TMEM161B: variants seen among roughly 807,000 people sequenced by gnomAD.
TMEM161B encodes the protein transmembrane protein 161B.
TMEM161B carries 34 observed loss-of-function variants against 61.8 expected under a neutral mutation model. That is an observed-to-expected ratio of 0.55 (90% CI 0.42 to 0.73). The LOEUF (loss-of-function observed/expected upper bound fraction) is 0.73, where lower values mean the gene tolerates loss of function less well. Among genes scored for constraint, TMEM161B ranks in the 30% least tolerant of loss-of-function variants. The pLI is 0.00. For missense variants in TMEM161B, 456 were observed against 558.5 expected (o/e 0.82, Z 1.85); for synonymous variants, 167 against 192.8 (o/e 0.87, Z 1.11).
At chr5:88,229,371 G>C (rs1342855998) in intron 2 of TMEM161B, among the ~76,000 whole-genome samples, 1 of 151,888 alleles carries the variant, frequency 6.6e-6, no homozygotes, top group African/African-American at 2.4e-5. Flanking sequence ...TCAGACCTTA[G>C]TTCAGTGTAT....
chr5:88,199,701 G>C (rs762487658), intron 9 of TMEM161B: 2 of 152,082 alleles, frequency 1.3e-5, no homozygotes, highest in Non-Finnish European at 2.9e-5. Flanking sequence ...AAGCTGGCTC[G>C]GTTCTGAGCA....
chr5:88,186,177 T>A (rs1012875986), downstream of TMEM161B, among the ~76,000 whole-genome samples: 6 of 152,210 alleles, frequency 3.9e-5, no homozygotes, highest in Non-Finnish European at 7.3e-5. Context: ...TATGTAGCCA[T>A]CCTAGGCACT....
At chr5:88,187,204 T>G (rs966550229), downstream of TMEM161B, among the ~76,000 whole-genome samples, 1 of 152,222 alleles carries the variant, frequency 6.6e-6, no homozygotes, top group African/African-American at 2.4e-5. Flanking sequence ...GCTCTCTCTT[T>G]CATTGATCCA....
chr5:88,246,472 A>G lies in TMEM161B; in HGVS notation c.4-5556T>C, dbSNP rs1753634900. On this transcript the variant is annotated intron_variant, in intron 1 of 11. Coordinates refer to ENST00000296595, the MANE Select transcript of TMEM161B (RefSeq NM_153354.5). ...GAATTATATGTATTATCAATTTAATATATTATTAATGTTGAACTTAAAATC... is the reference window on the plus strand; with the variant it reads ...GAATTATATGTATTATCAATTTAATGTATTATTAATGTTGAACTTAAAATC... Among the ~76,000 whole-genome samples the G allele has an allele frequency of 2.0e-5, 3 of 151,894 alleles. No individual in the cohort carries two copies. The South Asian group carries it at 6.2e-4, about 31-fold the overall frequency.
intron 4 of TMEM161B, among the ~76,000 whole-genome samples, chr5:88,224,959 G>GGT (rs1749719734): frequency 9.9e-6 from 1 of 101,202 alleles, no homozygotes; most frequent in African/African-American, 3.9e-5. Context: ...CACAAAATAT[G>GGT]TTTTTGTTTT....
At chr5:88,194,989 TA>T, downstream of TMEM161B, 1 of 287,678 alleles carries the variant, frequency 3.5e-6, no homozygotes, top group Non-Finnish European at 5.2e-6. Context: ...TTTTGGCCAG[TA>T]AAACAAAAAT....
At chr5:88,219,136 TACTTCTGAATATATTAAGGCAAGTATTC>T (rs1748460678) in intron 5 of TMEM161B, among the ~76,000 whole-genome samples, 1 of 152,226 alleles carries the variant, frequency 6.6e-6, no homozygotes, top group Non-Finnish European at 1.5e-5. Context: ...TATTACTTGA[TACTTCTGAATATATTAAGGCAAGTATTC>T]ATCTGTGAAT....
At chr5:88,198,912 T>A in intron 10 of TMEM161B, 64 bp downstream of exon 10, 3 of 196,242 alleles carry the variant, frequency 1.5e-5, no homozygotes, top group Non-Finnish European at 1.8e-5. Context: ...AGGAAACCAA[T>A]TTTTTTTTTT....
chr5:88,228,522 C>T lies in TMEM161B; in HGVS notation c.114G>A (p.Arg38=). The T allele has an allele frequency of 1.3e-6, 2 of 1,591,858 alleles. No individual in the cohort carries two copies. The highest frequency in any genetic ancestry group is 1.2e-5 in the South Asian group (1 of 84,730). The change falls in exon 3 of 12, where the codon AGG becomes AGA. Residue 38 remains arginine, a synonymous_variant. Transcript: ENST00000296595. Reference sequence around the variant, plus strand: ...CTTCTTCTGTAGGATGTTGATACCACCTCAAACTAAGCAAAAAAAGAATTC... The same window carrying T: ...CTTCTTCTGTAGGATGTTGATACCATCTCAAACTAAGCAAAAAAAGAATTC... The part of the protein sequence containing the change: ...ARWLLCNGSL[R]WYQHPTEEEL...
chr5:88,255,683 T>C (rs2112747728), intron 1 of TMEM161B, among the ~76,000 whole-genome samples: 1 of 152,304 alleles, frequency 6.6e-6, no homozygotes, highest in South Asian at 2.1e-4. Context: ...TCAGCACTGT[T>C]TTACAGCATA....
At chr5:88,199,484 G>A (rs993049464) in intron 9 of TMEM161B, 5 of 171,762 alleles carry the variant, frequency 2.9e-5, no homozygotes, top group African/African-American at 1.2e-4. Context: ...AAAGAAAACT[G>A]CAGGGATTGC....
intron 1 of TMEM161B, among the ~76,000 whole-genome samples, chr5:88,242,642 T>C (rs769656417): frequency 6.6e-6 from 1 of 151,760 alleles, no homozygotes; most frequent in Non-Finnish European, 1.5e-5. Context: ...CTAGTTCCCC[T>C]TCTATAAAAT....
At chr5:88,210,794 C>T (rs1303902357) in intron 5 of TMEM161B, among the ~76,000 whole-genome samples, 1 of 152,162 alleles carries the variant, frequency 6.6e-6, no homozygotes, top group Non-Finnish European at 1.5e-5. Context: ...TATTATCAAG[C>T]TATTCTTTAG....
At chr5:88,268,556 C>T (rs912090735) in intron 1 of TMEM161B, among the ~76,000 whole-genome samples, 165 bp downstream of exon 1, 1 of 152,220 alleles carries the variant, frequency 6.6e-6, no homozygotes, top group Non-Finnish European at 1.5e-5. Context: ...GCTGCTTCCT[C>T]AGGGGCTCAG....
intron 1 of TMEM161B, among the ~76,000 whole-genome samples, chr5:88,246,150 G>A (rs1031263393): frequency 6.6e-6 from 1 of 151,680 alleles, no homozygotes; most frequent in African/African-American, 2.4e-5. Flanking sequence ...CTTCTTAAAT[G>A]AGGCTGAAAA....
chr5:88,202,918 G>T, intron 9 of TMEM161B, 44 bp downstream of exon 9: 1 of 1,220,360 alleles, frequency 8.2e-7, no homozygotes, highest in Non-Finnish European at 1.2e-6. Flanking sequence ...ATTTAGTAAA[G>T]CAGTTTTGGT....
chr5:88,219,943 A>G (rs1161829011), intron 5 of TMEM161B, among the ~76,000 whole-genome samples: 2 of 152,100 alleles, frequency 1.3e-5, no homozygotes, highest in Non-Finnish European at 2.9e-5. Context: ...GATATTAGCT[A>G]TGCTGGAAGT....
intron 4 of TMEM161B, among the ~76,000 whole-genome samples, chr5:88,223,131 ATT>A (rs34109832): frequency 6.8e-6 from 1 of 146,194 alleles, no homozygotes; most frequent in Admixed American, 6.8e-5. Flanking sequence ...CCCTAAATTC[ATT>A]TTTTTTTTTT....
chr5:88,249,106 C>G (rs898457258), intron 1 of TMEM161B, among the ~76,000 whole-genome samples: 2 of 152,134 alleles, frequency 1.3e-5, no homozygotes, highest in Admixed American at 1.3e-4. Context: ...TCTCCAGAGT[C>G]TCAGTTTCCC....
Sources: allele counts gnomAD v4.1 joint callset (sites outside exome capture counted in the v4.1 genomes callset), GRCh38; gene constraint gnomAD v4.1.1; transcripts MANE v1.5; gene names NCBI Gene and HGNC (gene_info 2026-07-23, HGNC 2026-07-21).